The following CEP170B variants were observed in gnomAD, a reference collection of about 807,000 sequenced individuals.
The protein encoded by CEP170B is centrosomal protein 170B.
CEP170B carries 55 observed loss-of-function variants against 120.6 expected under a neutral mutation model. The observed-to-expected ratio is 0.46, with a 90% CI of 0.37 to 0.57. CEP170B has a LOEUF of 0.57. Ranked by LOEUF, CEP170B falls within the 20% of genes least tolerant of loss-of-function variation. The pLI is 0.00. For missense variants in CEP170B, 2,212 were observed against 2,253.3 expected (o/e 0.98, Z 0.37); for synonymous variants, 1,033 against 954.5 (o/e 1.08, Z -1.52).
Position 104,894,841 on chromosome 14 carries a change from A to G in CEP170B, c.4548A>G (p.Ser1516=). The part of the protein sequence containing the change: ...VAAQSPPSPA[S]AEALLPALPL... Reference sequence around the variant, plus strand: ...CCCAGAGCCCACCCTCACCCGCCTCAGCCGAGGCCCTGCTGCCAGCCCTGC... The same window carrying G: ...CCCAGAGCCCACCCTCACCCGCCTCGGCCGAGGCCCTGCTGCCAGCCCTGC... Residue 1516 remains serine (S), a synonymous_variant, in exon 19 of 19, where the codon TCA becomes TCG. Transcript: ENST00000414716. 1 of 1,609,942 alleles carries G rather than the reference A, an allele frequency of 6.2e-7. No individual in the cohort carries two copies. Among genetic ancestry groups the G allele is most frequent in the Non-Finnish European group, 8.5e-7 (1 of 1,178,886 alleles).
chr14:104,873,495 C>T (rs1001752851), intron 2 of CEP170B, among the ~76,000 whole-genome samples: 1 of 151,912 alleles, frequency 6.6e-6, no homozygotes, highest in African/African-American at 2.4e-5. Flanking sequence ...AGAGGCTGAC[C>T]GAGGGCTGCC....
chr14:104,885,209 G>A lies in CEP170B; in HGVS notation c.1771-160G>A, dbSNP rs546090540. Among the ~76,000 whole-genome samples, 392 of 152,180 alleles carry A rather than the reference G, an allele frequency of 2.6e-3. 3 individuals carry two copies. Among genetic ancestry groups the A allele is most frequent in the Non-Finnish European group, 4.0e-3 (271 of 67,986 alleles). ...CCAGGGCTGGGTCCGTATCCCATCC[G>A]CATGTCCTGCTGACAGCCAGGCTGC... On this transcript the variant is annotated intron_variant, in intron 9 of 18. Transcript: ENST00000414716.
chr14:104,894,406 G>A (rs767910173), intron 17 of CEP170B, 28 bp downstream of exon 17: 7 of 1,609,212 alleles, frequency 4.3e-6, no homozygotes, highest in African/African-American at 1.3e-5. Context: ...GTGCCCCTTG[G>A]CCTGCCCCCA....
At chr14:104,889,848 C>T in intron 13 of CEP170B, 90 bp downstream of exon 13, 1 of 1,410,916 alleles carries the variant, frequency 7.1e-7, no homozygotes, top group Non-Finnish European at 9.7e-7. Context: ...GCTGGGAGCT[C>T]CCTTCTTGAG....
Position 104,886,514 on chromosome 14 carries a change from C to G in CEP170B, c.2275C>G (p.Pro759Ala). The G allele has an allele frequency of 6.6e-7, 1 of 1,509,672 alleles. No homozygotes were observed. The highest frequency in any genetic ancestry group is 1.8e-4 in the Middle Eastern group (1 of 5,690). 93.5% of individuals were successfully genotyped at this position (1,509,672 alleles called of 1,614,324 possible). A position where few individuals can be genotyped will look rare whatever the true frequency, so the allele number is the denominator to read the frequency against. ...CAGTGGGTCGGACGGGGGCCGAGGC[C>G]CCGAGCCAGGGGTGGAGCCACAGGA... The part of the protein sequence containing the change: ...DASGSDGGRG[P>A]EPGVEPQDSR... Residue 759 changes from proline to alanine, a missense_variant, in exon 12 of 19, where the codon CCC becomes GCC. By Grantham distance (27) the Pro-to-Ala change is conservative. This residue lies in a region of CEP170B where 2,166 missense variants were observed against 2,166.7 expected (regional missense o/e 1.00). Transcript: ENST00000414716.
chr14:104,872,208 CGT>C lies in CEP170B; in HGVS notation c.105+3660_105+3661del, dbSNP rs557363651. 3.7e-3 allele frequency among the ~76,000 whole-genome samples: 441 copies of C among 119,624 alleles called. 9 individuals carry two copies. The highest frequency in any genetic ancestry group is 0.014 in the African/African-American group (421 of 29,822). The allele number at this position is 119,624 out of a possible 152,430, so 78.5% of individuals were successfully genotyped here. A position where few individuals can be genotyped will look rare whatever the true frequency, so the allele number is the denominator to read the frequency against. On this transcript the variant is annotated intron_variant, in intron 2 of 18. Transcript: ENST00000414716. ...GTGCTGTGTGTGTGCCGTGGGTGTG[CGT>C]GTGTGTACCATGGGTGTGCCGTGCG...
intron 10 of CEP170B, among the ~76,000 whole-genome samples, chr14:104,885,767 C>G (rs1896453784): frequency 1.3e-5 from 2 of 152,164 alleles, no homozygotes; most frequent in African/African-American, 4.8e-5. Context: ...GAGGTCAGGA[C>G]AGGGCCACGG....
At chr14:104,882,668 T>C in intron 6 of CEP170B, 60 bp from the exon 7 acceptor site, 1 of 1,402,254 alleles carries the variant, frequency 7.1e-7, no homozygotes, top group South Asian at 1.3e-5. Context: ...CTGCCAGTTC[T>C]CTGCTTTTCA....
rs1348063734 is a variant in CEP170B, at chr14:104,896,683, A to C, written c.*1725A>C. 1 of 455,942 alleles carries C rather than the reference A, an allele frequency of 2.2e-6. No individual in the cohort carries two copies. The highest frequency in any genetic ancestry group is 2.4e-5 in the Admixed American group (1 of 42,530). 28.2% of individuals were successfully genotyped at this position (455,942 alleles called of 1,614,324 possible). On this transcript the variant is annotated 3_prime_UTR_variant, in exon 19 of 19. Coordinates refer to ENST00000414716, the MANE Select transcript of CEP170B (RefSeq NM_001112726.3). The stretch of plus-strand genomic sequence containing the variant: ...GTGGTCTTGTGGCTGTCTTTCGGAA[A>C]ATGGTTATTTTATATGATTTGTCAT...
intron 2 of CEP170B, among the ~76,000 whole-genome samples, chr14:104,872,479 G>GCGTGTGTGCTGTGTGTGTGC (rs1895619051): frequency 3.1e-5 from 3 of 96,066 alleles, no homozygotes; most frequent in South Asian, 3.3e-4. Flanking sequence ...CCGTGTGTGT[G>GCGTGTGTGCTGTGTGTGTGC]CGTGTGTGCC....
intron 3 of CEP170B, among the ~76,000 whole-genome samples, chr14:104,877,633 G>T (rs890539038): frequency 1.8e-4 from 28 of 152,192 alleles, no homozygotes; most frequent in African/African-American, 5.5e-4. Context: ...TGTTCTGGAG[G>T]GTTCCATCAT....
Position 104,884,233 on chromosome 14 carries a change from C to A in CEP170B, c.1454C>A (p.Thr485Asn). ...RLGSPSPASRTPARPFGSVGR... is the reference protein window; with the variant it reads ...RLGSPSPASRNPARPFGSVGR... ...GGCAGCCCCTCGCCCGCCTCCCGAA[C>A]CCCTGCCCGCCCCTTCGGAAGCGTG... Residue 485 changes from threonine to asparagine, a missense_variant, in exon 9 of 19, where the codon ACC becomes AAC. Transcript: ENST00000414716. The A allele has an allele frequency of 6.5e-7, 1 of 1,543,186 alleles. No individual in the cohort carries two copies. Among genetic ancestry groups the A allele is most frequent in the Non-Finnish European group, 8.7e-7 (1 of 1,146,672 alleles).
intron 1 of CEP170B, among the ~76,000 whole-genome samples, chr14:104,866,987 G>A (rs745683780): frequency 6.6e-6 from 1 of 152,234 alleles, no homozygotes; most frequent in Non-Finnish European, 1.5e-5. Context: ...CCACTCAGGA[G>A]CTCTGGGGCC....
chr14:104,888,103 C>T (rs1323665417), intron 12 of CEP170B, 125 bp downstream of exon 12: 19 of 1,099,624 alleles, frequency 1.7e-5, no homozygotes, highest in Admixed American at 3.0e-5. Flanking sequence ...AGCCTCTGTT[C>T]CCAAAGCTGG....
chr14:104,879,508 G>A (rs1322441493), intron 5 of CEP170B, among the ~76,000 whole-genome samples: 1 of 152,120 alleles, frequency 6.6e-6, no homozygotes, highest in Non-Finnish European at 1.5e-5. Context: ...AGGGTTTTAC[G>A]CTGCACGACC....
intron 3 of CEP170B, among the ~76,000 whole-genome samples, 195 bp from the exon 4 acceptor site, chr14:104,877,690 A>G (rs1424307075): frequency 1.3e-5 from 2 of 151,994 alleles, no homozygotes; most frequent in African/African-American, 4.8e-5. Context: ...TGCCCCTGCC[A>G]TGGCTGTGGA....
rs957494802 is a variant in CEP170B, at chr14:104,895,165, C to G, written c.*207C>G. On this transcript the variant is annotated 3_prime_UTR_variant, in exon 19 of 19. Coordinates refer to ENST00000414716, the MANE Select transcript of CEP170B (RefSeq NM_001112726.3). Reference sequence around the variant, plus strand: ...ACCCTGTCCAGCCCCATGGCCACCCCCACCCCTGCCTCGCCCCCTACAGGC... The same window carrying G: ...ACCCTGTCCAGCCCCATGGCCACCCGCACCCCTGCCTCGCCCCCTACAGGC... 2.2e-5 allele frequency: 12 copies of G among 558,116 alleles called. No individual in the cohort carries two copies. The highest frequency in any genetic ancestry group is 3.7e-5 in the Non-Finnish European group (12 of 327,218). 34.6% of individuals were successfully genotyped at this position (558,116 alleles called of 1,614,324 possible).
At chr14:104,881,476 G>A (rs1364658471) in intron 6 of CEP170B, among the ~76,000 whole-genome samples, 4 of 152,212 alleles carry the variant, frequency 2.6e-5, no homozygotes, top group Non-Finnish European at 5.9e-5. Flanking sequence ...CGCAGCTGCC[G>A]GTGTCTGGTT....
intron 2 of CEP170B, among the ~76,000 whole-genome samples, chr14:104,875,540 G>A (rs376905382): frequency 4.6e-5 from 7 of 152,128 alleles, no homozygotes; most frequent in African/African-American, 1.2e-4. Context: ...TGCTTGCAGC[G>A]CTGTGTGGAG....
Sources: gnomAD v4.1 joint callset for allele counts (sites outside exome capture counted in the v4.1 genomes callset) on GRCh38, gnomAD v4.1.1 for gene constraint, gnomAD v4.1.1 regional missense constraint, MANE v1.5 for transcripts, NCBI Gene and HGNC (gene_info 2026-07-23, HGNC 2026-07-21) for gene names.